Variants in NFIB observed in about 807,000 individuals in gnomAD.
NFIB encodes nuclear factor 1 B-type.
Under a neutral mutation model 61.5 loss-of-function variants are expected in NFIB, and 11 were observed. That is an observed-to-expected ratio of 0.18 (90% CI 0.11 to 0.30). The LOEUF (loss-of-function observed/expected upper bound fraction) is 0.30, where lower values mean the gene tolerates loss of function less well. NFIB is among the 10% of genes least tolerant of loss of function. The pLI is 1.00. For missense variants in NFIB, 471 were observed against 608.9 expected (o/e 0.77, Z 2.38); for synonymous variants, 260 against 216.5 (o/e 1.20, Z -1.76).
the NFIB span, among the ~76,000 whole-genome samples, chr9:14,451,042 G>A: frequency 6.6e-6 from 1 of 152,186 alleles, no homozygotes; most frequent in Non-Finnish European, 1.5e-5. Context: ...AGGGATTTTG[G>A]TCCAGGTGCT....
chr9:14,520,656 C>T, the NFIB span, among the ~76,000 whole-genome samples: 1 of 152,204 alleles, frequency 6.6e-6, no homozygotes, highest in Non-Finnish European at 1.5e-5. Flanking sequence ...TTAGCTTCTA[C>T]AGAGAACTTT....
intron 1 of NFIB, among the ~76,000 whole-genome samples, chr9:14,329,951 G>T (rs957502022): frequency 6.6e-6 from 1 of 151,744 alleles, no homozygotes; most frequent in Non-Finnish European, 1.5e-5. Flanking sequence ...GTGAAACCCC[G>T]TCTCTACTAA....
At chr9:14,316,747 C>T (rs1003456399), upstream of NFIB, among the ~76,000 whole-genome samples, 1 of 152,156 alleles carries the variant, frequency 6.6e-6, no homozygotes, top group Non-Finnish European at 1.5e-5. Context: ...TACACTGCAT[C>T]CCCTTTCTCA....
the NFIB span, among the ~76,000 whole-genome samples, chr9:14,488,711 T>C: frequency 5.3e-5 from 8 of 152,200 alleles, no homozygotes; most frequent in Non-Finnish European, 8.8e-5. Context: ...TTCTAACTGC[T>C]GGTCTATGGG....
At chr9:14,465,146 C>G in the NFIB span, among the ~76,000 whole-genome samples, 2 of 152,178 alleles carry the variant, frequency 1.3e-5, no homozygotes, top group African/African-American at 2.4e-5. Flanking sequence ...AAGATTTGCT[C>G]TCATTATGGT....
At chr9:14,475,863 G>T in the NFIB span, among the ~76,000 whole-genome samples, 1 of 152,000 alleles carries the variant, frequency 6.6e-6, no homozygotes, top group African/African-American at 2.4e-5. Flanking sequence ...TAATTAGCGG[G>T]CTCCTTTTCT....
At chr9:14,145,225 T>C (rs2042157822) in intron 6 of NFIB, among the ~76,000 whole-genome samples, 1 of 152,066 alleles carries the variant, frequency 6.6e-6, no homozygotes, top group African/African-American at 2.4e-5. Flanking sequence ...ATGTGCACTG[T>C]GTCCAGCCAC....
intron 2 of NFIB, 150 bp downstream of exon 2, chr9:14,306,839 T>C: frequency 1.2e-6 from 1 of 860,272 alleles, no homozygotes; most frequent in South Asian, 1.8e-5. Context: ...GCAGCGGACA[T>C]GTGAGTGAAA....
chr9:14,241,938 G>C (rs1024855059), intron 2 of NFIB, among the ~76,000 whole-genome samples: 11 of 152,076 alleles, frequency 7.2e-5, no homozygotes, highest in African/African-American at 2.4e-4. Flanking sequence ...CACAAGACAA[G>C]AAATGGTCAT....
intron 2 of NFIB, among the ~76,000 whole-genome samples, chr9:14,277,344 G>GACACACACACAC (rs33999296): frequency 6.7e-6 from 1 of 149,266 alleles, no homozygotes; most frequent in Admixed American, 6.7e-5. Context: ...CGCACACACA[G>GACACACACACAC]ACACACACAC....
the NFIB span, among the ~76,000 whole-genome samples, chr9:14,530,605 G>C: frequency 6.6e-6 from 1 of 152,126 alleles, no homozygotes; most frequent in East Asian, 1.9e-4. Context: ...GAGCTTTCAC[G>C]AGACGCCTAG....
intron 1 of NFIB, among the ~76,000 whole-genome samples, chr9:14,390,028 G>T (rs1219781280): frequency 2.0e-5 from 3 of 152,128 alleles, no homozygotes; most frequent in African/African-American, 7.2e-5. Context: ...TAACTAAAGT[G>T]CCATTGTCTT....
intron 2 of NFIB, 127 bp downstream of exon 2, chr9:14,306,862 C>CTA: frequency 8.6e-7 from 1 of 1,164,632 alleles, no homozygotes; most frequent in South Asian, 1.5e-5. Flanking sequence ...GGACACCCTA[C>CTA]TATACCCAGA....
chr9:14,410,030 G>A, the NFIB span, among the ~76,000 whole-genome samples: 2 of 152,052 alleles, frequency 1.3e-5, no homozygotes, highest in Admixed American at 6.5e-5. Flanking sequence ...TAACAGGAAT[G>A]TCTTTTATGT....
intron 2 of NFIB, among the ~76,000 whole-genome samples, chr9:14,228,273 C>A (rs2131901066): frequency 6.6e-6 from 1 of 150,830 alleles, no homozygotes; most frequent in Admixed American, 6.6e-5. Context: ...CGGCTCACTG[C>A]AGCCTCCGCC....
At chr9:14,512,045 C>T in the NFIB span, among the ~76,000 whole-genome samples, 2 of 152,284 alleles carry the variant, frequency 1.3e-5, no homozygotes, top group African/African-American at 4.8e-5. Context: ...ATTCTCAGTA[C>T]AATTTACATT....
chr9:14,420,915 G>C, the NFIB span, among the ~76,000 whole-genome samples: 1 of 151,770 alleles, frequency 6.6e-6, no homozygotes, highest in Non-Finnish European at 1.5e-5. Flanking sequence ...TAAGCTTTTA[G>C]ATGACAGTTC....
In NFIB at chr9:14,084,807, A is replaced by T. The variant is rs2032591978; in HGVS notation, c.*3502T>A. The T allele has an allele frequency of 1.3e-5, 3 of 228,134 alleles. No homozygotes were observed. The highest frequency in any genetic ancestry group is 4.4e-5 in the African/African-American group (2 of 45,010). The allele number at this position is 228,134 out of a possible 1,614,324, so 14.1% of individuals were successfully genotyped here. ...GGCCGAAAAGTTGATTTGAGATTTT[A>T]TATATATAGTAGTACTTTTAATAGT... On this transcript the variant is annotated 3_prime_UTR_variant, in exon 11 of 11. Coordinates refer to ENST00000380953, the MANE Select transcript of NFIB (RefSeq NM_001190737.2).
At chr9:14,166,417 G>C (rs1311786164) in intron 3 of NFIB, among the ~76,000 whole-genome samples, 1 of 152,126 alleles carries the variant, frequency 6.6e-6, no homozygotes, top group East Asian at 1.9e-4. Context: ...ACAATTTCAA[G>C]TATTCTCCCA....
Sources: gnomAD v4.1 joint callset for allele counts (sites outside exome capture counted in the v4.1 genomes callset) on GRCh38, gnomAD v4.1.1 for gene constraint, MANE v1.5 for transcripts, NCBI Gene and HGNC (gene_info 2026-07-23, HGNC 2026-07-21) for gene names.